CTSE: variants seen among roughly 807,000 people sequenced by gnomAD.
CTSE encodes the protein erythrocyte membrane aspartic proteinase.
A neutral mutation model predicts 42.8 loss-of-function variants in CTSE; 43 were observed. The ratio of observed to expected loss-of-function variants is 1.01; its 90% CI spans 0.79 to 1.30. The LOEUF is 1.30. Ranked by LOEUF, CTSE falls within the 50% of genes most tolerant of loss-of-function variation. The probability of loss-of-function intolerance (pLI) is 0.00; values close to 1 mark genes in which losing one functional copy is unlikely to be tolerated. For synonymous variants in CTSE, 205 were observed against 191.5 expected (o/e 1.07, Z -0.58); for missense variants, 532 against 493.5 (o/e 1.08, Z -0.74).
At chr1:206,012,712 C>G in intron 6 of CTSE, 63 bp from the exon 7 acceptor site, 4 of 1,577,048 alleles carry the variant, frequency 2.5e-6, no homozygotes, top group Non-Finnish European at 3.5e-6. Context: ...AACTCCCACT[C>G]TTTTTTGGCC....
intron 7 of CTSE, 43 bp from the exon 8 acceptor site, chr1:206,012,449 C>T: frequency 1.2e-6 from 2 of 1,613,852 alleles, no homozygotes; most frequent in Non-Finnish European, 1.7e-6. Flanking sequence ...CTTGCCACCT[C>T]CCAAGAGAAG....
chr1:206,023,163 G>T (rs539302527), intron 1 of CTSE, 106 bp from the exon 2 acceptor site: 4 of 870,508 alleles, frequency 4.6e-6, no homozygotes, highest in African/African-American at 3.3e-5. Context: ...GGGGTGGGAG[G>T]GGGGGATCTG....
intron 8 of CTSE, among the ~76,000 whole-genome samples, chr1:206,011,060 T>C (rs1445254931): frequency 1.3e-5 from 2 of 151,976 alleles, no homozygotes; most frequent in Non-Finnish European, 2.9e-5. Flanking sequence ...TACAGCAGTT[T>C]TGATGGATCA....
chr1:206,014,917 C>T (rs988208528), intron 5 of CTSE, among the ~76,000 whole-genome samples: 1 of 152,066 alleles, frequency 6.6e-6, no homozygotes, highest in African/African-American at 2.4e-5. Context: ...ATCCAGGACC[C>T]TCCATGTGGG....
At chr1:206,022,072 C>T (rs1571822211) in intron 3 of CTSE, 78 bp downstream of exon 3, 1 of 967,018 alleles carries the variant, frequency 1.0e-6, no homozygotes, top group Non-Finnish European at 1.5e-6. Context: ...CCTAAGCCCC[C>T]CTTCCCCAGA....
rs1661485959 is a variant in CTSE, at chr1:206,022,940, C to T, written c.186G>A (p.Met62Ile). 1.2e-6 allele frequency: 2 copies of T among 1,602,160 alleles called. No individual in the cohort carries two copies. Among genetic ancestry groups the T allele is most frequent in the East Asian group, 2.2e-5 (1 of 44,664 alleles). Residue 62 changes from methionine to isoleucine, a missense_variant, in exon 2 of 9, where the codon ATG (methionine) becomes ATA (isoleucine). By Grantham distance (10) the Met-to-Ile change is conservative. Transcript: ENST00000358184. ...DMIQFTESCS[M>I]DQSAKEPLIN... ...TGAGGGGTTCCTTGGCACTCTGGTC[C>T]ATTGAGCAGGACTCGGTGAACTGGA...
rs1046671845 is a variant in CTSE, at chr1:206,010,226, T to C, written c.1148A>G (p.Asp383Gly). The change falls in exon 9 of 9, where the codon GAC (aspartate) becomes GGC (glycine). Residue 383 changes from aspartate (D) to glycine (G), a missense_variant. By Grantham distance (94) the Asp-to-Gly change is moderately conservative. Transcript: ENST00000358184. ...CAGTCCCACACGGTTATTCCCACGGTCAAAGACTGAGTAAAACTGTCGAAT... is the reference window on the plus strand; with the variant it reads ...CAGTCCCACACGGTTATTCCCACGGCCAAAGACTGAGTAAAACTGTCGAAT... The part of the protein sequence containing the change: ...VFIRQFYSVF[D>G]RGNNRVGLAP... The C allele has an allele frequency of 4.3e-6, 7 of 1,613,708 alleles. 1 individual carries two copies. Among genetic ancestry groups the C allele is most frequent in the Middle Eastern group, 3.3e-4 (2 of 6,058 alleles).
At chr1:206,010,443 G>T (rs1661060666) in intron 8 of CTSE, 96 bp from the exon 9 acceptor site, 2 of 1,100,260 alleles carry the variant, frequency 1.8e-6, no homozygotes, top group African/African-American at 3.1e-5. Flanking sequence ...GCTGGCACTG[G>T]GTGGCCTTGG....
intron 3 of CTSE, 26 bp from the exon 4 acceptor site, chr1:206,021,193 T>C: frequency 6.4e-7 from 1 of 1,555,922 alleles, no homozygotes; most frequent in Non-Finnish European, 8.9e-7. Flanking sequence ...CTGCTCTTGC[T>C]TATGCCATCG....
At position 206,022,245 on chromosome 1, in the gene CTSE, G is replaced by A. The variant is rs1661460541; in HGVS notation, c.248C>T (p.Ser83Phe). 6.2e-7 allele frequency: 1 copy of A among 1,612,062 alleles called. No homozygotes were observed. The highest frequency in any genetic ancestry group is 8.5e-7 in the Non-Finnish European group (1 of 1,178,466). Residue 83 changes from serine to phenylalanine, a missense_variant, in exon 3 of 9, where the codon TCC (serine) becomes TTC (phenylalanine). By Grantham distance (155) the Ser-to-Phe change is radical. Transcript: ENST00000358184. ...GAAGTTCTGTGGTGGGGAGCCAATG[G>A]AGATAGTGCCGAAGTATTCCATCTG... is the stretch of plus-strand genomic sequence containing the variant. ...YLDMEYFGTI[S>F]IGSPPQNFTV...
In CTSE at chr1:206,010,327, C is replaced by A; in HGVS notation, c.1047G>T (p.Gln349His). Residue 349 changes from glutamine (Q) to histidine (H), a missense_variant, in exon 9 of 9, where the codon CAG becomes CAT. Gln to His is a conservative substitution (Grantham distance 24). Coordinates refer to ENST00000358184, the MANE Select transcript of CTSE (RefSeq NM_001910.4). ...GTCCTTGAAAGCCACTGCTGCAGAACTGCATTCCATCCACGAAGTCCTGTG... is the reference window on the plus strand; with the variant it reads ...GTCCTTGAAAGCCACTGCTGCAGAAATGCATTCCATCCACGAAGTCCTGTG... ...YTLLDFVDGM[Q>H]FCSSGFQGLD... 1 of 1,613,630 alleles carries A rather than the reference C, an allele frequency of 6.2e-7. No individual in the cohort carries two copies. Among genetic ancestry groups the A allele is most frequent in the Non-Finnish European group, 8.5e-7 (1 of 1,179,684 alleles).
chr1:206,013,717 G>C (rs1319695616), intron 6 of CTSE, 55 bp downstream of exon 6: 2 of 1,583,962 alleles, frequency 1.3e-6, no homozygotes, highest in Admixed American at 3.4e-5. Context: ...GGTTTGAGTT[G>C]TGCCTCTTTT....
chr1:206,020,991 C>G, intron 4 of CTSE, 58 bp downstream of exon 4: 1 of 1,269,416 alleles, frequency 7.9e-7, no homozygotes, highest in South Asian at 1.2e-5. Flanking sequence ...TGTAAGACCT[C>G]TGAATAAGTC....
intron 3 of CTSE, 76 bp from the exon 4 acceptor site, chr1:206,021,243 C>T (rs972032386): frequency 2.6e-6 from 3 of 1,173,404 alleles, no homozygotes; most frequent in Non-Finnish European, 3.8e-6. Flanking sequence ...CACCCAGCCC[C>T]ACAGCGGCAG....
At chr1:206,020,735 C>T (rs767172630) in intron 4 of CTSE, among the ~76,000 whole-genome samples, 11 of 151,996 alleles carry the variant, frequency 7.2e-5, no homozygotes, top group Non-Finnish European at 1.3e-4. Context: ...TCCTTCAAGA[C>T]GGAGACGTGG....
rs1553277632 is a variant in CTSE at position 206,015,917 on chromosome 1, T to C, written c.662+14A>G. 1 of 1,612,358 alleles carries C rather than the reference T, an allele frequency of 6.2e-7. No individual in the cohort carries two copies. The highest frequency in any genetic ancestry group is 1.1e-5 in the South Asian group (1 of 91,006). ...TATAACTGACTTTAACCTCACAGAC[T>C]TGATGGGCCTTACCTGCTCATGTAG... On this transcript the variant is annotated intron_variant, in intron 5 of 8. Coordinates refer to ENST00000358184, the MANE Select transcript of CTSE (RefSeq NM_001910.4).
At chr1:206,010,603 C>A (rs1661066468) in intron 8 of CTSE, among the ~76,000 whole-genome samples, 1 of 152,096 alleles carries the variant, frequency 6.6e-6, no homozygotes, top group Admixed American at 6.5e-5. Flanking sequence ...AACTGTTCAT[C>A]TGTTATATAC....
rs1553277635 is a variant in CTSE at position 206,015,929 on chromosome 1, A to G, written c.662+2T>C. 6.2e-7 allele frequency: 1 copy of G among 1,613,392 alleles called. No homozygotes were observed. The highest frequency in any genetic ancestry group is 1.3e-5 in the African/African-American group (1 of 75,010). ...TAACCTCACAGACTTGATGGGCCTT[A>G]CCTGCTCATGTAGACAGAAAACATC... On this transcript the variant is annotated splice_donor_variant, in intron 5 of 8. Transcript: ENST00000358184. LOFTEE classifies it high-confidence loss of function.
intron 3 of CTSE, chr1:206,021,459 C>A: frequency 2.9e-6 from 1 of 339,252 alleles, no homozygotes; most frequent in Non-Finnish European, 5.4e-6. Flanking sequence ...CAGCCACAGT[C>A]CCTGCCACCC....
Sources: gnomAD v4.1 joint callset for allele counts (sites outside exome capture counted in the v4.1 genomes callset) on GRCh38, gnomAD v4.1.1 for gene constraint, MANE v1.5 for transcripts, NCBI Gene and HGNC (gene_info 2026-07-23, HGNC 2026-07-21) for gene names.